Variants in ZDHHC20 observed in about 807,000 individuals in gnomAD.
ZDHHC20 encodes the protein palmitoyltransferase ZDHHC20.
ZDHHC20 carries 43 observed loss-of-function variants against 57.8 expected under a neutral mutation model. The observed-to-expected ratio is 0.74, with a 90% CI of 0.58 to 0.96. ZDHHC20 has a LOEUF of 0.96. Ranked by LOEUF, ZDHHC20 falls within the 40% of genes least tolerant of loss-of-function variation. The pLI, the probability that ZDHHC20 is intolerant of heterozygous loss-of-function variation, is 0.00. For synonymous variants in ZDHHC20, 157 were observed against 153.0 expected, an observed-to-expected ratio of 1.03 and a Z score of -0.19; for missense variants, 391 against 441.1, an observed-to-expected ratio of 0.89 and a Z score of 1.02.
chr13:21,423,242 CTTCT>C (rs1472859048), intron 2 of ZDHHC20, among the ~76,000 whole-genome samples: 3 of 152,166 alleles, frequency 2.0e-5, no homozygotes, highest in East Asian at 1.9e-4. Context: ...CCCTAACTTC[CTTCT>C]ATTTTCAAAT....
chr13:21,448,309 G>C (rs1593283266), intron 1 of ZDHHC20, among the ~76,000 whole-genome samples: 1 of 101,976 alleles, frequency 9.8e-6, no homozygotes, highest in East Asian at 2.5e-4. Context: ...GCCCCGTCCG[G>C]GAGGGAGGTG....
chr13:21,428,951 C>A (rs1881608675), intron 1 of ZDHHC20, among the ~76,000 whole-genome samples: 1 of 152,148 alleles, frequency 6.6e-6, no homozygotes, highest in South Asian at 2.1e-4. Flanking sequence ...AATGTTTATA[C>A]ATTTTTTTAT....
chr13:21,376,645 T>C lies in ZDHHC20; in HGVS notation c.*51A>G. On this transcript the variant is annotated 3_prime_UTR_variant, in exon 13 of 13. Coordinates refer to ENST00000400590, the MANE Select transcript of ZDHHC20 (RefSeq NM_001330059.2). ...AAATTGAAAATACCAGTCTATAATG[T>C]TTTCATACACCTACAAAAAAAGAAA... is the stretch of plus-strand genomic sequence containing the variant. The C allele has an allele frequency of 7.1e-7, 1 of 1,412,494 alleles. No homozygotes were observed. The highest frequency in any genetic ancestry group is 9.5e-7 in the Non-Finnish European group (1 of 1,049,972). 87.5% of individuals were successfully genotyped at this position (1,412,494 alleles called of 1,614,324 possible). A position where few individuals can be genotyped will look rare whatever the true frequency, so the allele number is the denominator to read the frequency against.
At chr13:21,380,949 A>G (rs1873270454) in intron 11 of ZDHHC20, among the ~76,000 whole-genome samples, 1 of 151,998 alleles carries the variant, frequency 6.6e-6, no homozygotes, top group Non-Finnish European at 1.5e-5. Flanking sequence ...TCCCTTCCTC[A>G]TAGAAGCTAC....
chr13:21,415,682 A>G (rs1229858956), intron 3 of ZDHHC20, among the ~76,000 whole-genome samples: 1 of 152,222 alleles, frequency 6.6e-6, no homozygotes, highest in Non-Finnish European at 1.5e-5. Flanking sequence ...AACTTGTTAG[A>G]AAGTTATTTC....
intron 1 of ZDHHC20, among the ~76,000 whole-genome samples, chr13:21,440,350 C>T (rs1883014339): frequency 6.6e-6 from 1 of 151,856 alleles, no homozygotes; most frequent in South Asian, 2.1e-4. Flanking sequence ...TGGCTCAACA[C>T]CTGTAATCCC....
At chr13:21,441,472 G>A (rs972050877) in intron 1 of ZDHHC20, among the ~76,000 whole-genome samples, 1 of 147,818 alleles carries the variant, frequency 6.8e-6, no homozygotes, top group African/African-American at 2.5e-5. Context: ...TGCAAGCTCC[G>A]CCTCCTGGGT....
intron 7 of ZDHHC20, among the ~76,000 whole-genome samples, chr13:21,395,661 C>G (rs1010601387): frequency 4.0e-5 from 6 of 151,654 alleles, no homozygotes; most frequent in Non-Finnish European, 2.9e-5. Flanking sequence ...GCCACCACAC[C>G]CAGCTAATTT....
chr13:21,446,967 T>C (rs1048586984), intron 1 of ZDHHC20, among the ~76,000 whole-genome samples: 1 of 152,114 alleles, frequency 6.6e-6, no homozygotes, highest in Non-Finnish European at 1.5e-5. Context: ...CTTTTAGATA[T>C]CTTGCTGAGC....
At chr13:21,380,554 G>A (rs1566060591) in intron 11 of ZDHHC20, among the ~76,000 whole-genome samples, 1 of 151,934 alleles carries the variant, frequency 6.6e-6, no homozygotes, top group Admixed American at 6.6e-5. Context: ...AGCACTTTGG[G>A]GGGCTGAGGC....
At chr13:21,409,259 G>A (rs1878877246) in intron 4 of ZDHHC20, among the ~76,000 whole-genome samples, 1 of 152,138 alleles carries the variant, frequency 6.6e-6, no homozygotes, top group Non-Finnish European at 1.5e-5. Flanking sequence ...TGGTTGGTAG[G>A]CTATTAACTA....
At chr13:21,401,508 T>A (rs1487873309) in intron 6 of ZDHHC20, 145 bp downstream of exon 6, 2 of 656,564 alleles carry the variant, frequency 3.0e-6, no homozygotes, top group African/African-American at 3.9e-5. Flanking sequence ...AATATAACTG[T>A]TTACATACAA....
chr13:21,428,997 C>T (rs917992106), intron 1 of ZDHHC20, among the ~76,000 whole-genome samples: 37 of 152,214 alleles, frequency 2.4e-4, no homozygotes, highest in African/African-American at 8.7e-4. Context: ...GTCAATGACA[C>T]TAACCTCATT....
At chr13:21,377,049 G>T in intron 12 of ZDHHC20, 1 of 161,484 alleles carries the variant, frequency 6.2e-6, no homozygotes, top group Non-Finnish European at 1.3e-5. Context: ...AATTATTTCT[G>T]CCCACATTAA....
intron 1 of ZDHHC20, among the ~76,000 whole-genome samples, chr13:21,436,425 C>A (rs1882549003): frequency 6.6e-6 from 1 of 152,202 alleles, no homozygotes; most frequent in African/African-American, 2.4e-5. Context: ...ATTTTTCCAA[C>A]ACTTTGTGCT....
rs149475816 is a variant in ZDHHC20 at position 21,452,695 on chromosome 13, T to C, written c.118+6359A>G. Reference sequence around the variant, plus strand: ...AGCATAAAGGCCAAGATGGAAGAGATAGAAGTATACTTTTATAAGGTATTA... The same window carrying C: ...AGCATAAAGGCCAAGATGGAAGAGACAGAAGTATACTTTTATAAGGTATTA... On this transcript the variant is annotated intron_variant, in intron 1 of 12. Transcript: ENST00000400590. 9.7e-3 allele frequency among the ~76,000 whole-genome samples: 1,481 copies of C among 152,290 alleles called. 18 individuals are homozygous for C. Among genetic ancestry groups the C allele is most frequent in the African/African-American group, 0.034 (1,402 of 41,554 alleles).
At chr13:21,391,621 G>C in intron 8 of ZDHHC20, 101 bp downstream of exon 8, 2 of 1,286,916 alleles carry the variant, frequency 1.6e-6, no homozygotes, top group Non-Finnish European at 2.1e-6. Context: ...AGTCAGAATT[G>C]TCTTACACTT....
chr13:21,437,894 T>C (rs982183933), intron 1 of ZDHHC20, among the ~76,000 whole-genome samples: 17 of 152,184 alleles, frequency 1.1e-4, no homozygotes, highest in Admixed American at 2.6e-4. Context: ...GGTTTCACCA[T>C]GTTAGCCAGG....
In ZDHHC20 at chr13:21,391,674, T is replaced by C. The variant is rs114511441; in HGVS notation, c.727+48A>G. 1,384 of 1,542,848 alleles carry C rather than the reference T, an allele frequency of 9.0e-4. 9 individuals carry two copies. The African/African-American group carries it at 0.017, about 19-fold the overall frequency. On this transcript the variant is annotated intron_variant, in intron 8 of 12. Transcript: ENST00000400590. ...TGTTCTTCTCTAGATTTCATATTTA[T>C]TTATGGTCATTGTCCTAAGTAATTA...
Sources: allele counts gnomAD v4.1 joint callset (sites outside exome capture counted in the v4.1 genomes callset), GRCh38; gene constraint gnomAD v4.1.1; transcripts MANE v1.5; gene names NCBI Gene and HGNC (gene_info 2026-07-23, HGNC 2026-07-21).